Variants in SLC44A5 observed in about 807,000 individuals in gnomAD.
The protein encoded by SLC44A5 is choline transporter-like protein 5.
A neutral mutation model predicts 101.8 loss-of-function variants in SLC44A5; 57 were observed. That is an observed-to-expected ratio of 0.56 (90% CI 0.45 to 0.70). The LOEUF is 0.70. SLC44A5 is among the 30% of genes least tolerant of loss of function. The probability of loss-of-function intolerance (pLI) is 0.00; values close to 1 mark genes in which losing one functional copy is unlikely to be tolerated. For synonymous variants in SLC44A5, 281 were observed against 290.9 expected (o/e 0.97, Z 0.35); for missense variants, 737 against 853.1 (o/e 0.86, Z 1.70).
intron 1 of SLC44A5, among the ~76,000 whole-genome samples, chr1:75,556,708 G>T (rs1174391318): frequency 1.3e-5 from 2 of 152,126 alleles, no homozygotes; most frequent in African/African-American, 4.8e-5. Context: ...TAAAAAAGGG[G>T]ATTGGAGATA....
chr1:75,423,420 A>G (rs772653412), intron 2 of SLC44A5, among the ~76,000 whole-genome samples: 1 of 152,222 alleles, frequency 6.6e-6, no homozygotes, highest in Admixed American at 6.5e-5. Context: ...AAGAAAGCTG[A>G]TATCTTTAAA....
chr1:75,613,179 A>C (rs1476768753), upstream of SLC44A5, among the ~76,000 whole-genome samples: 1 of 152,224 alleles, frequency 6.6e-6, no homozygotes, highest in Non-Finnish European at 1.5e-5. Context: ...GGTGTAGCTA[A>C]GCAGAGAAGC....
chr1:75,295,392 C>T (rs10493567), intron 5 of SLC44A5, among the ~76,000 whole-genome samples: 8,836 of 152,216 alleles, frequency 0.058, 301 homozygotes, highest in Middle Eastern at 0.13. Flanking sequence ...GGAAGACTAA[C>T]TTGCTTTAAG....
In SLC44A5 at chr1:75,536,352, C is replaced by T. The variant is rs548159752; in HGVS notation, c.13+5083G>A. ...CGGTGGCTCACGCCTGTAATCCCAGCCCTTTGGGAGGCCGAGGCGGGTGGA... is the reference window on the plus strand; with the variant it reads ...CGGTGGCTCACGCCTGTAATCCCAGTCCTTTGGGAGGCCGAGGCGGGTGGA... On this transcript the variant is annotated intron_variant, in intron 2 of 23. Coordinates refer to ENST00000370859, the MANE Select transcript of SLC44A5 (RefSeq NM_001130058.2). 3.1e-3 allele frequency among the ~76,000 whole-genome samples: 476 copies of T among 152,146 alleles called. 1 individual carries two copies. Among genetic ancestry groups the T allele is most frequent in the Non-Finnish European group, 4.9e-3 (336 of 67,994 alleles).
chr1:75,566,014 T>C (rs1051538367), intron 1 of SLC44A5, among the ~76,000 whole-genome samples: 1 of 152,220 alleles, frequency 6.6e-6, no homozygotes, highest in Non-Finnish European at 1.5e-5. Flanking sequence ...TGTCTTTAAA[T>C]AGCATACATT....
chr1:75,260,356 A>G (rs1650386205), intron 6 of SLC44A5, among the ~76,000 whole-genome samples: 1 of 152,130 alleles, frequency 6.6e-6, no homozygotes, highest in South Asian at 2.1e-4. Context: ...TGGAAAGCAA[A>G]AAAGCAGGGG....
intron 7 of SLC44A5, among the ~76,000 whole-genome samples, chr1:75,249,731 C>A (rs1649404277): frequency 6.6e-6 from 1 of 152,192 alleles, no homozygotes; most frequent in Non-Finnish European, 1.5e-5. Context: ...AACTATACAT[C>A]ATCTATAGAT....
At chr1:75,606,756 C>A (rs1675346980) in intron 1 of SLC44A5, among the ~76,000 whole-genome samples, 1 of 152,008 alleles carries the variant, frequency 6.6e-6, no homozygotes, top group African/African-American at 2.4e-5. Flanking sequence ...CATTTCTCAA[C>A]CCTGATCTTA....
At chr1:75,473,858 TG>T (rs1326338165) in intron 2 of SLC44A5, among the ~76,000 whole-genome samples, 2 of 152,100 alleles carry the variant, frequency 1.3e-5, no homozygotes, top group Non-Finnish European at 2.9e-5. Flanking sequence ...GCCTAGCTGG[TG>T]GCAGTATATT....
At chr1:75,429,210 G>A (rs1055738696) in intron 2 of SLC44A5, among the ~76,000 whole-genome samples, 5 of 152,182 alleles carry the variant, frequency 3.3e-5, no homozygotes, top group Non-Finnish European at 7.3e-5. Flanking sequence ...TGTGTTAGGA[G>A]AGATCAGGAA....
chr1:75,419,479 A>G (rs936609581), intron 2 of SLC44A5, among the ~76,000 whole-genome samples: 1 of 152,152 alleles, frequency 6.6e-6, no homozygotes, highest in Admixed American at 6.5e-5. Flanking sequence ...GAGAAAAAAA[A>G]AAAGGACTGT....
At chr1:75,594,889 A>G (rs1674550342) in intron 1 of SLC44A5, among the ~76,000 whole-genome samples, 2 of 152,090 alleles carry the variant, frequency 1.3e-5, no homozygotes, top group Admixed American at 6.6e-5. Flanking sequence ...TAGTGAGGGT[A>G]GATAAAGTCA....
At chr1:75,615,681 A>C (rs1675847476), upstream of SLC44A5, among the ~76,000 whole-genome samples, 1 of 152,034 alleles carries the variant, frequency 6.6e-6, no homozygotes, top group Non-Finnish European at 1.5e-5. Flanking sequence ...CCCGGAGGCC[A>C]GGGGAGGTGC....
At chr1:75,677,664 C>T in the SLC44A5 span, 1 of 400,120 alleles carries the variant, frequency 2.5e-6, no homozygotes. Context: ...AACAAACTCT[C>T]CAATAAAAAA....
chr1:75,257,998 C>A (rs1471758088), intron 6 of SLC44A5, among the ~76,000 whole-genome samples: 1 of 152,052 alleles, frequency 6.6e-6, no homozygotes, highest in African/African-American at 2.4e-5. Context: ...GGGACTGTAT[C>A]ATGCACTCTG....
rs1404798253 is a variant in SLC44A5, at chr1:75,566,113, A to G, written c.-69-24597T>C. ...GAAATCAATGTTGGAGGCTGTGAGA[A>G]CCAGGAGGAAATGGAATGCCACAGC... On this transcript the variant is annotated intron_variant, in intron 1 of 23. Coordinates refer to ENST00000370859, the MANE Select transcript of SLC44A5 (RefSeq NM_001130058.2). 2.6e-5 allele frequency among the ~76,000 whole-genome samples: 4 copies of G among 152,176 alleles called. No homozygotes were observed. The East Asian group carries it at 7.7e-4, about 29-fold the overall frequency.
rs115838787 is a variant in SLC44A5 at position 75,532,616 on chromosome 1, T to C, written c.13+8819A>G. ...TCTAACATACTACATATTTAAATTG[T>C]TGCTTTCTTTACTATCATTTTCCAC... On this transcript the variant is annotated intron_variant, in intron 2 of 23. Coordinates refer to ENST00000370859, the MANE Select transcript of SLC44A5 (RefSeq NM_001130058.2). 4.9e-3 allele frequency among the ~76,000 whole-genome samples: 753 copies of C among 152,334 alleles called. 7 individuals carry two copies. Among genetic ancestry groups the C allele is most frequent in the African/African-American group, 0.017 (717 of 41,578 alleles).
chr1:75,717,947 T>G, the SLC44A5 span, among the ~76,000 whole-genome samples: 1 of 152,198 alleles, frequency 6.6e-6, no homozygotes, highest in Admixed American at 6.5e-5. Flanking sequence ...TATACAAAGT[T>G]CCTTGGCTCA....
intron 2 of SLC44A5, among the ~76,000 whole-genome samples, chr1:75,423,530 A>G (rs1247452995): frequency 6.6e-6 from 1 of 152,200 alleles, no homozygotes; most frequent in Non-Finnish European, 1.5e-5. Context: ...TGATTTAAGG[A>G]TTTTAAGAAA....
Sources: allele counts gnomAD v4.1 joint callset (sites outside exome capture counted in the v4.1 genomes callset), GRCh38; gene constraint gnomAD v4.1.1; transcripts MANE v1.5; gene names NCBI Gene and HGNC (gene_info 2026-07-23, HGNC 2026-07-21).